CCDC50: variants seen among roughly 807,000 people sequenced by gnomAD.
CCDC50 encodes coiled-coil domain-containing protein 50.
In CCDC50, 54 loss-of-function variants were observed where a neutral mutation model predicts 70.2. The observed-to-expected ratio is 0.77, with a 90% CI of 0.62 to 0.96. The LOEUF (loss-of-function observed/expected upper bound fraction) is 0.96. Among genes scored for constraint, CCDC50 ranks in the 50% least tolerant of loss-of-function variants. CCDC50 has a pLI of 0.00. For missense variants in CCDC50, 558 were observed against 578.7 expected (o/e 0.96, Z 0.37); for synonymous variants, 216 against 198.8 (o/e 1.09, Z -0.73).
chr3:191,337,763 G>T (rs774485609), intron 1 of CCDC50, among the ~76,000 whole-genome samples: 1 of 151,944 alleles, frequency 6.6e-6, no homozygotes. Context: ...CTGAGTAAGG[G>T]TCTGTGGGGC....
At chr3:191,337,392 TTC>T (rs989181581) in intron 1 of CCDC50, among the ~76,000 whole-genome samples, 2 of 152,064 alleles carry the variant, frequency 1.3e-5, no homozygotes, top group South Asian at 2.1e-4. Flanking sequence ...TCATTTTTCT[TTC>T]TCTCTCTCTT....
chr3:191,380,958 A>G, intron 9 of CCDC50, 26 bp downstream of exon 9: 1 of 1,571,212 alleles, frequency 6.4e-7, no homozygotes, highest in Non-Finnish European at 8.7e-7. Flanking sequence ...TTTGTTTTCT[A>G]ATTAGAAATA....
chr3:191,366,312 CT>C (rs1039534678), intron 4 of CCDC50, among the ~76,000 whole-genome samples: 6 of 152,072 alleles, frequency 3.9e-5, no homozygotes, highest in Non-Finnish European at 7.4e-5. Context: ...TTAAAATTAC[CT>C]TTCTCTAGTA....
At chr3:191,367,573 T>C (rs1471088560) in intron 4 of CCDC50, among the ~76,000 whole-genome samples, 4 of 152,210 alleles carry the variant, frequency 2.6e-5, no homozygotes, top group Non-Finnish European at 5.9e-5. Context: ...TTCAATTCTT[T>C]ATCTGTACAA....
intron 4 of CCDC50, among the ~76,000 whole-genome samples, chr3:191,363,213 A>T (rs1380868988): frequency 2.6e-5 from 4 of 152,196 alleles, no homozygotes; most frequent in Admixed American, 2.6e-4. Context: ...CAGTTTAGTG[A>T]TTAACTCCAT....
chr3:191,332,188 G>C (rs960063576), intron 1 of CCDC50, among the ~76,000 whole-genome samples: 41 of 152,158 alleles, frequency 2.7e-4, no homozygotes, highest in African/African-American at 9.2e-4. Context: ...TGACATTAGG[G>C]TAAGGGGATA....
At chr3:191,379,203 G>GCA (rs1385041251) in intron 6 of CCDC50, among the ~76,000 whole-genome samples, 1 of 151,878 alleles carries the variant, frequency 6.6e-6, no homozygotes, top group African/African-American at 2.4e-5. Context: ...CAAGGACAGG[G>GCA]CACACCCAGG....
intron 10 of CCDC50, among the ~76,000 whole-genome samples, chr3:191,384,564 T>C (rs888218959): frequency 6.6e-5 from 10 of 152,210 alleles, no homozygotes; most frequent in African/African-American, 2.4e-4. Context: ...CAAATTCTTA[T>C]GTAGAGCTTG....
intron 3 of CCDC50, among the ~76,000 whole-genome samples, chr3:191,359,779 A>T (rs73185213): frequency 0.3 from 45,497 of 152,090 alleles, 6,822 homozygotes; most frequent in Non-Finnish European, 0.32. Flanking sequence ...AGAGTTCTAA[A>T]TTCATTGCCC....
chr3:191,391,449 A>G (rs918794854), intron 11 of CCDC50, among the ~76,000 whole-genome samples: 16 of 152,100 alleles, frequency 1.1e-4, no homozygotes, highest in African/African-American at 2.7e-4. Flanking sequence ...TCCCACCTCA[A>G]CTTCCATCAG....
intron 4 of CCDC50, among the ~76,000 whole-genome samples, chr3:191,362,229 C>T (rs1458121730): frequency 6.6e-6 from 1 of 152,070 alleles, no homozygotes; most frequent in Non-Finnish European, 1.5e-5. Context: ...CTTAAGTGAT[C>T]CTCTCTGCCT....
chr3:191,378,704 A>G (rs1372247860), intron 6 of CCDC50, among the ~76,000 whole-genome samples: 5 of 150,090 alleles, frequency 3.3e-5, no homozygotes, highest in Admixed American at 2.7e-4. Flanking sequence ...TCTATTTCAG[A>G]TGGTCCACTC....
At chr3:191,372,273 A>C (rs971864649) in intron 5 of CCDC50, among the ~76,000 whole-genome samples, 6 of 152,290 alleles carry the variant, frequency 3.9e-5, no homozygotes, top group African/African-American at 1.4e-4. Context: ...GGAGAGACAG[A>C]CTTTGAGGGA....
intron 1 of CCDC50, among the ~76,000 whole-genome samples, chr3:191,342,386 T>C (rs538773876): frequency 6.6e-6 from 1 of 152,166 alleles, no homozygotes; most frequent in East Asian, 1.9e-4. Flanking sequence ...CTACTCCTAA[T>C]AGGAAGGAAA....
At position 191,375,604 on chromosome 3, in the gene CCDC50, T is replaced by C; in HGVS notation, c.976+15T>C. 6.2e-7 allele frequency: 1 copy of C among 1,610,750 alleles called. No homozygotes were observed. Among genetic ancestry groups the C allele is most frequent in the South Asian group, 1.1e-5 (1 of 90,610 alleles). On this transcript the variant is annotated intron_variant, in intron 6 of 11. Coordinates refer to ENST00000392455, the MANE Select transcript of CCDC50 (RefSeq NM_178335.3). Reference sequence around the variant, plus strand: ...CCATGACGCAGGTAATAGAGGACAGTCTCGATGGAAGTCCTGGTATCATGT... The same window carrying C: ...CCATGACGCAGGTAATAGAGGACAGCCTCGATGGAAGTCCTGGTATCATGT...
intron 1 of CCDC50, among the ~76,000 whole-genome samples, chr3:191,336,132 GT>G (rs879774558): frequency 3.3e-3 from 454 of 136,912 alleles, no homozygotes; most frequent in Middle Eastern, 0.011. Flanking sequence ...GTGTACAAGT[GT>G]TTTTTTTTTT....
chr3:191,352,345 T>C lies in CCDC50; in HGVS notation c.50-4743T>C, dbSNP rs987121913. Among the ~76,000 whole-genome samples, 62 of 141,520 alleles carry C rather than the reference T, an allele frequency of 4.4e-4. 5 individuals are homozygous for C. The highest frequency in any genetic ancestry group is 1.5e-3 in the African/African-American group (60 of 39,686). 92.8% of individuals were successfully genotyped at this position (141,520 alleles called of 152,430 possible). A position where few individuals can be genotyped will look rare whatever the true frequency, so the allele number is the denominator to read the frequency against. On this transcript the variant is annotated intron_variant, in intron 1 of 11. Transcript: ENST00000392455. ...CAATGAAAATCATTCTTTAAGGAAATGGATGGGGGGTATATATATGTATGT... is the reference window on the plus strand; with the variant it reads ...CAATGAAAATCATTCTTTAAGGAAACGGATGGGGGGTATATATATGTATGT...
chr3:191,371,647 A>G (rs571542634), intron 5 of CCDC50, among the ~76,000 whole-genome samples: 84 of 152,252 alleles, frequency 5.5e-4, no homozygotes, highest in Middle Eastern at 3.4e-3. Context: ...GCCCAGTAAC[A>G]TTTTTTGCTC....
At chr3:191,332,479 G>C (rs1379332566) in intron 1 of CCDC50, among the ~76,000 whole-genome samples, 1 of 152,156 alleles carries the variant, frequency 6.6e-6, no homozygotes, top group Non-Finnish European at 1.5e-5. Context: ...AATGGAAAAC[G>C]CTGTTGCCAA....
Sources: gnomAD v4.1 joint callset for allele counts (sites outside exome capture counted in the v4.1 genomes callset) on GRCh38, gnomAD v4.1.1 for gene constraint, MANE v1.5 for transcripts, NCBI Gene and HGNC (gene_info 2026-07-23, HGNC 2026-07-21) for gene names.